INPP1: variants seen among roughly 807,000 people sequenced by gnomAD.
INPP1 encodes inositol polyphosphate-1-phosphatase.
INPP1 carries 18 observed loss-of-function variants against 23.0 expected under a neutral mutation model. The observed-to-expected ratio is 0.78, with a 90% confidence interval of 0.54 to 1.16. The LOEUF (loss-of-function observed/expected upper bound fraction) is 1.16, where lower values mean the gene tolerates loss of function less well. Ranked by LOEUF, INPP1 falls within the 50% of genes most tolerant of loss-of-function variation. The pLI is 0.00. For synonymous variants in INPP1, 164 were observed against 176.3 expected (o/e 0.93, Z 0.55); for missense variants, 448 against 482.1 (o/e 0.93, Z 0.66).
In INPP1 at chr2:190,371,147, G is replaced by A; in HGVS notation, c.945G>A (p.Trp315Ter). 1.2e-6 allele frequency: 2 copies of A among 1,614,134 alleles called. No individual in the cohort carries two copies. Among genetic ancestry groups the A allele is most frequent in the Non-Finnish European group, 1.7e-6 (2 of 1,180,028 alleles). ...TTTCAGAAGATACCACATTCAAATGGGACTCTTGTGCTGCTCATGCCATAC... is the reference window on the plus strand; with the variant it reads ...TTTCAGAAGATACCACATTCAAATGAGACTCTTGTGCTGCTCATGCCATAC... ...YIFSEDTTFK[W>*]DSCAAHAILR... is the part of the protein sequence containing the mutation. The change falls in exon 7 of 7, where the codon TGG (tryptophan) becomes TGA (stop). Residue 315 changes from tryptophan (W) to a stop codon, truncating the protein, a stop_gained. Transcript: ENST00000392329. LOFTEE classifies it low-confidence loss of function (END_TRUNC). The surrounding 1 kb of genome is among the most constrained non-coding windows in gnomAD (Gnocchi z 5.3).
chr2:190,343,899 C>T lies in INPP1; in HGVS notation c.-271C>T, dbSNP rs1008123284. 3.4e-5 allele frequency: 6 copies of T among 175,198 alleles called. No individual in the cohort carries two copies. The highest frequency in any genetic ancestry group is 1.2e-4 in the African/African-American group (5 of 41,674). 10.9% of individuals were successfully genotyped at this position (175,198 alleles called of 1,614,324 possible). On this transcript the variant is annotated 5_prime_UTR_variant, in exon 1 of 7. Transcript: ENST00000392329. ...CGCGCCTCCTCCTCCTCCTGCTCCC[C>T]GCCGCTTCCGTTTCTCGAGGGAAAG... is the stretch of plus-strand genomic sequence containing the variant.
At chr2:190,348,509 A>G (rs1458457645) in intron 1 of INPP1, among the ~76,000 whole-genome samples, 4 of 152,166 alleles carry the variant, frequency 2.6e-5, no homozygotes, top group Non-Finnish European at 4.4e-5. Flanking sequence ...TTTTTTCATC[A>G]TCCCACACAA....
Position 190,367,382 on chromosome 2 carries a change from C to T in INPP1, c.466+487C>T, listed in dbSNP as rs536445719. 3.3e-5 allele frequency among the ~76,000 whole-genome samples: 5 copies of T among 152,212 alleles called. No individual in the cohort carries two copies. The highest frequency in any genetic ancestry group is 4.2e-4 in the South Asian group (2 of 4,818). On this transcript the variant is annotated intron_variant, in intron 5 of 6. Transcript: ENST00000392329. The surrounding 1 kb of genome is among the most constrained non-coding windows in gnomAD (Gnocchi z 4.1). ...TCAGCGATATATCCCAATTTCTAAC[C>T]GTTAGCTACTAATTCAGTTAAAGAA...
intron 1 of INPP1, 51 bp downstream of exon 1, chr2:190,344,012 GC>G (rs1439048894): frequency 1.2e-5 from 4 of 333,072 alleles, no homozygotes; most frequent in East Asian, 1.6e-4. Flanking sequence ...CCGCGCCGCT[GC>G]CCCTCCTCCT....
In INPP1 at chr2:190,346,056, G is replaced by T. The variant is rs549028054; in HGVS notation, c.-209+2095G>T. Among the ~76,000 whole-genome samples, 27 of 152,240 alleles carry T rather than the reference G, an allele frequency of 1.8e-4. No homozygotes were observed. The highest frequency in any genetic ancestry group is 6.5e-4 in the African/African-American group (27 of 41,554). Reference sequence around the variant, plus strand: ...GTTCTGCTTCCCGTCTCCTGTGATTGATGTTGGGTACTGTTTCTCAAACTT... The same window carrying T: ...GTTCTGCTTCCCGTCTCCTGTGATTTATGTTGGGTACTGTTTCTCAAACTT... On this transcript the variant is annotated intron_variant, in intron 1 of 6. Transcript: ENST00000392329. This position sits in a 1 kb window ranked among gnomAD's most constrained non-coding sequence, Gnocchi z 5.1.
At chr2:190,357,781 T>G (rs923511623) in intron 2 of INPP1, among the ~76,000 whole-genome samples, 2 of 152,206 alleles carry the variant, frequency 1.3e-5, no homozygotes, top group Non-Finnish European at 2.9e-5. Context: ...CTAACTTGTT[T>G]GCGTGCCCAT....
intron 4 of INPP1, among the ~76,000 whole-genome samples, chr2:190,366,212 GCT>G (rs1455390275): frequency 9.3e-6 from 1 of 107,726 alleles, no homozygotes; most frequent in Non-Finnish European, 1.9e-5. Flanking sequence ...TCGCTCTCTC[GCT>G]CTGTCTCTCT....
In INPP1 at chr2:190,356,406, C is replaced by T. The variant is rs1196648057; in HGVS notation, c.-64-3633C>T. The stretch of plus-strand genomic sequence containing the variant: ...ACAGGGCTGCAGTGAATAGCCAGTA[C>T]TTCTTTCCCATTGGTCAAGTTGCTG... On this transcript the variant is annotated intron_variant, in intron 2 of 6. Coordinates refer to ENST00000392329, the MANE Select transcript of INPP1 (RefSeq NM_001128928.2). This position sits in a 1 kb window ranked among gnomAD's most constrained non-coding sequence, Gnocchi z 6.4. The T allele has an allele frequency of 1.3e-5, 2 of 152,228 alleles. No individual in the cohort carries two copies. The highest frequency in any genetic ancestry group is 2.4e-5 in the African/African-American group (1 of 41,444). The allele number at this position is 152,228 out of a possible 1,614,324, so 9.4% of individuals were successfully genotyped here.
At chr2:190,357,808 T>A (rs1282014484) in intron 2 of INPP1, among the ~76,000 whole-genome samples, 2 of 152,222 alleles carry the variant, frequency 1.3e-5, no homozygotes. Context: ...AGCATCTGTT[T>A]CACCACATCT....
chr2:190,353,231 C>A (rs1253517749), intron 2 of INPP1, among the ~76,000 whole-genome samples: 1 of 152,168 alleles, frequency 6.6e-6, no homozygotes, highest in Non-Finnish European at 1.5e-5. Flanking sequence ...CACAAAATAT[C>A]TCCCTTGACA....
chr2:190,349,885 C>T (rs1240534896), intron 2 of INPP1, among the ~76,000 whole-genome samples: 1 of 152,246 alleles, frequency 6.6e-6, no homozygotes, highest in Admixed American at 6.5e-5. Flanking sequence ...CACCGTGTCA[C>T]CTAGGCTGGA....
At chr2:190,358,856 T>C (rs1347596205) in intron 2 of INPP1, among the ~76,000 whole-genome samples, 1 of 152,230 alleles carries the variant, frequency 6.6e-6, no homozygotes, top group Non-Finnish European at 1.5e-5. Context: ...ACAAGTTGCA[T>C]GTTTCACCTC....
In INPP1 at chr2:190,345,090, A is replaced by G. The variant is rs1482623233; in HGVS notation, c.-209+1129A>G. 2.0e-5 allele frequency among the ~76,000 whole-genome samples: 3 copies of G among 152,254 alleles called. No homozygotes were observed. Among genetic ancestry groups the G allele is most frequent in the East Asian group, 3.8e-4 (2 of 5,204 alleles). ...GGCAATGGAAGAATTCATTTTTTCA[A>G]TACAGATATTTGTTTCCATTCTTAT... On this transcript the variant is annotated intron_variant, in intron 1 of 6. Coordinates refer to ENST00000392329, the MANE Select transcript of INPP1 (RefSeq NM_001128928.2). The surrounding 1 kb of genome is among the most constrained non-coding windows in gnomAD (Gnocchi z 4.9).
intron 2 of INPP1, among the ~76,000 whole-genome samples, chr2:190,351,170 TA>T (rs1210622848): frequency 3.3e-5 from 5 of 152,182 alleles, no homozygotes; most frequent in Admixed American, 1.3e-4. Context: ...CATAAACAAG[TA>T]AACCAATGCA....
At position 190,360,206 on chromosome 2, in the gene INPP1, A is replaced by G. The variant is rs1689508208; in HGVS notation, c.104A>G (p.Glu35Gly). The change falls in exon 3 of 7, where the codon GAA becomes GGA. Residue 35 changes from glutamate to glycine, a missense_variant. Coordinates refer to ENST00000392329, the MANE Select transcript of INPP1 (RefSeq NM_001128928.2). ...GCCCTCTTCCAGCTGCTGATCGAAGAAAAGAAAGAGGGAGAAAAGAACAAG... is the reference window on the plus strand; with the variant it reads ...GCCCTCTTCCAGCTGCTGATCGAAGGAAAGAAAGAGGGAGAAAAGAACAAG... The part of the protein sequence containing the change: ...QEALFQLLIE[E>G]KKEGEKNKKF... 1 of 1,614,120 alleles carries G rather than the reference A, an allele frequency of 6.2e-7. No individual in the cohort carries two copies. Among genetic ancestry groups the G allele is most frequent in the African/African-American group, 1.3e-5 (1 of 74,930 alleles).
At chr2:190,366,286 G>GCTCTCTGTCTCTCTCGCTCTGTCTCACT (rs1689666514) in intron 4 of INPP1, among the ~76,000 whole-genome samples, 1 of 52,996 alleles carries the variant, frequency 1.9e-5, no homozygotes, top group Non-Finnish European at 3.7e-5. Flanking sequence ...TCTCTCTCTC[G>GCTCTCTGTCTCTCTCGCTCTGTCTCACT]CTCTCTGTCT....
At position 190,366,690 on chromosome 2, in the gene INPP1, C is replaced by CTAA; in HGVS notation, c.266-5_266-4insTAA. 6.2e-7 allele frequency: 1 copy of CTAA among 1,606,018 alleles called. No individual in the cohort carries two copies. Among genetic ancestry groups the CTAA allele is most frequent in the African/African-American group, 1.3e-5 (1 of 74,730 alleles). ...GTAATGGCTTATCGTGTGGCTTTAC[C>CTAA]CTAGGGGAAAAGATTACCTTGAGGT... On this transcript the variant is annotated splice_region_variant and splice_polypyrimidine_tract_variant and intron_variant, in intron 4 of 6. Coordinates refer to ENST00000392329, the MANE Select transcript of INPP1 (RefSeq NM_001128928.2).
At chr2:190,364,437 G>A (rs796417823) in intron 4 of INPP1, among the ~76,000 whole-genome samples, 1 of 151,726 alleles carries the variant, frequency 6.6e-6, no homozygotes, top group South Asian at 2.1e-4. Flanking sequence ...AGATACTCAG[G>A]AGGCTGAGGC....
chr2:190,358,266 A>G (rs1689459046), intron 2 of INPP1, among the ~76,000 whole-genome samples: 1 of 152,012 alleles, frequency 6.6e-6, no homozygotes, highest in South Asian at 2.1e-4. Flanking sequence ...TTTTTTTAGT[A>G]GAGATTCACC....
Sources: allele counts gnomAD v4.1 joint callset (sites outside exome capture counted in the v4.1 genomes callset), GRCh38; gene constraint gnomAD v4.1.1; non-coding constraint Gnocchi (gnomAD v3.1); transcripts MANE v1.5; gene names NCBI Gene and HGNC (gene_info 2026-07-23, HGNC 2026-07-21).